COG5: variants seen among roughly 807,000 people sequenced by gnomAD.
COG5 encodes conserved oligomeric Golgi complex subunit 5.
A neutral mutation model predicts 110.4 loss-of-function variants in COG5; 86 were observed. That is an observed-to-expected ratio of 0.78 (90% CI 0.65 to 0.93). COG5 has a LOEUF of 0.93. Ranked by LOEUF, COG5 falls within the 40% of genes least tolerant of loss-of-function variation. The probability of loss-of-function intolerance (pLI) is 0.00; values close to 1 mark genes in which losing one functional copy is unlikely to be tolerated. For missense variants in COG5, 1,077 were observed against 987.0 expected, an observed-to-expected ratio of 1.09 and a Z score of -1.22; for synonymous variants, 360 against 334.6, an observed-to-expected ratio of 1.08 and a Z score of -0.83.
At chr7:107,336,826 G>A (rs1428389883) in intron 10 of COG5, among the ~76,000 whole-genome samples, 1 of 152,154 alleles carries the variant, frequency 6.6e-6, no homozygotes, top group Non-Finnish European at 1.5e-5. Context: ...ACTTGCATAT[G>A]CCACCTGTGG....
chr7:107,339,654 T>G (rs1466564096), intron 10 of COG5, among the ~76,000 whole-genome samples: 4 of 151,812 alleles, frequency 2.6e-5, no homozygotes, highest in Admixed American at 2.0e-4. Flanking sequence ...AAAAATAAAT[T>G]GAAATACCCA....
At position 107,514,329 on chromosome 7, in the gene COG5, TACACACACACACAC is replaced by T. The variant is rs61351697; in HGVS notation, c.538+12894_538+12907del. ...TTTTCTATATAAACATGGCCTATTT[TACACACACACACAC>T]ACACACACACACACACACACACACA... On this transcript the variant is annotated intron_variant, in intron 6 of 21. Coordinates refer to ENST00000297135, the MANE Select transcript of COG5 (RefSeq NM_006348.5). Among the ~76,000 whole-genome samples, 1,981 of 145,732 alleles carry T rather than the reference TACACACACACACAC, an allele frequency of 0.014. 69 individuals are homozygous for T. In the East Asian group the frequency reaches 0.14, roughly 10 times the overall value.
chr7:107,255,510 T>G (rs963583093), intron 16 of COG5, among the ~76,000 whole-genome samples: 7 of 152,066 alleles, frequency 4.6e-5, no homozygotes, highest in African/African-American at 1.4e-4. Context: ...CTTTAGGATT[T>G]GTGACACAGT....
chr7:107,455,706 T>G (rs921195872), intron 6 of COG5, among the ~76,000 whole-genome samples: 4 of 152,140 alleles, frequency 2.6e-5, no homozygotes, highest in Admixed American at 2.6e-4. Flanking sequence ...TTGTATAGTT[T>G]ATGATTTTTT....
Position 107,202,171 on chromosome 7 carries a change from T to C in COG5, c.*1345A>G, listed in dbSNP as rs958427593. Reference sequence around the variant, plus strand: ...TGCTATTAACAAACAGTCAACACCATTGTATTTTTTAACTTCGTGTTCTGT... The same window carrying C: ...TGCTATTAACAAACAGTCAACACCACTGTATTTTTTAACTTCGTGTTCTGT... On this transcript the variant is annotated 3_prime_UTR_variant, in exon 22 of 22. Coordinates refer to ENST00000297135, the MANE Select transcript of COG5 (RefSeq NM_006348.5). 1.3e-5 allele frequency: 2 copies of C among 152,676 alleles called. No individual in the cohort carries two copies. The highest frequency in any genetic ancestry group is 4.8e-5 in the African/African-American group (2 of 41,468). The allele number at this position is 152,676 out of a possible 1,614,324, so 9.5% of individuals were successfully genotyped here.
intron 7 of COG5, among the ~76,000 whole-genome samples, chr7:107,377,951 C>T (rs906514339): frequency 6.6e-6 from 1 of 152,200 alleles, no homozygotes; most frequent in Admixed American, 6.5e-5. Context: ...AAGTAGGTTC[C>T]TGACCACAGT....
At chr7:107,256,077 A>G (rs1364623961) in intron 16 of COG5, among the ~76,000 whole-genome samples, 1 of 152,174 alleles carries the variant, frequency 6.6e-6, no homozygotes, top group East Asian at 1.9e-4. Context: ...TAAAAGAGAT[A>G]CTGTCAACTA....
intron 21 of COG5, among the ~76,000 whole-genome samples, chr7:107,204,275 T>G (rs1798585139): frequency 6.6e-6 from 1 of 152,228 alleles, no homozygotes; most frequent in African/African-American, 2.4e-5. Flanking sequence ...TCTAGCCTGA[T>G]GCTTGTTCAT....
chr7:107,440,781 C>T (rs984483935), intron 6 of COG5, among the ~76,000 whole-genome samples: 5 of 152,158 alleles, frequency 3.3e-5, no homozygotes, highest in Non-Finnish European at 7.3e-5. Context: ...CATCAAGGTG[C>T]TGAGAGGTCA....
intron 14 of COG5, among the ~76,000 whole-genome samples, chr7:107,261,016 C>G (rs1393804896): frequency 6.6e-6 from 1 of 151,624 alleles, no homozygotes; most frequent in Non-Finnish European, 1.5e-5. Context: ...GGATTGGTTC[C>G]AGGACCGTAA....
intron 19 of COG5, among the ~76,000 whole-genome samples, chr7:107,216,789 T>C (rs1191141834): frequency 1.3e-5 from 2 of 151,826 alleles, no homozygotes; most frequent in Non-Finnish European, 2.9e-5. Flanking sequence ...AATACTTAAA[T>C]AAAAATAAAC....
At chr7:107,530,696 A>C (rs1223761861) in intron 5 of COG5, among the ~76,000 whole-genome samples, 1 of 151,900 alleles carries the variant, frequency 6.6e-6, no homozygotes, top group African/African-American at 2.4e-5. Context: ...ATTATGTTGA[A>C]TCTTCTGGGA....
intron 14 of COG5, among the ~76,000 whole-genome samples, chr7:107,280,610 T>TAA (rs540731864): frequency 6.7e-5 from 10 of 149,616 alleles, no homozygotes; most frequent in African/African-American, 2.0e-4. Context: ...TCAATAATGG[T>TAA]AAAAAAAAAA....
At chr7:107,280,457 A>T (rs1805075534) in intron 14 of COG5, among the ~76,000 whole-genome samples, 1 of 152,082 alleles carries the variant, frequency 6.6e-6, no homozygotes, top group Non-Finnish European at 1.5e-5. Flanking sequence ...AACAACTTGG[A>T]TATAGATAAA....
chr7:107,215,602 T>G (rs1799465753), intron 19 of COG5, among the ~76,000 whole-genome samples: 1 of 151,982 alleles, frequency 6.6e-6, no homozygotes, highest in Non-Finnish European at 1.5e-5. Context: ...AGGCAGAGTT[T>G]GCAGTGAGCC....
chr7:107,395,646 C>T (rs930521490), intron 7 of COG5, among the ~76,000 whole-genome samples: 2 of 144,644 alleles, frequency 1.4e-5, no homozygotes, highest in African/African-American at 2.6e-5. Context: ...CCTCCGCCTC[C>T]TAGGTTCAAG....
chr7:107,215,391 G>A (rs1256876207), intron 19 of COG5, among the ~76,000 whole-genome samples: 2 of 152,154 alleles, frequency 1.3e-5, no homozygotes, highest in East Asian at 1.9e-4. Context: ...CAGCTGGCTG[G>A]GTGTGGTGGC....
chr7:107,439,315 A>G (rs1794567409), intron 6 of COG5, among the ~76,000 whole-genome samples: 1 of 151,958 alleles, frequency 6.6e-6, no homozygotes, highest in Admixed American at 6.6e-5. Flanking sequence ...ATCCTTTTCC[A>G]GTTACTACTA....
At chr7:107,505,530 A>C (rs942621750) in intron 6 of COG5, among the ~76,000 whole-genome samples, 14 of 152,312 alleles carry the variant, frequency 9.2e-5, no homozygotes, top group Admixed American at 8.5e-4. Context: ...AGGTATACCC[A>C]TGCCAAGCTC....
Sources: allele counts gnomAD v4.1 joint callset (sites outside exome capture counted in the v4.1 genomes callset), GRCh38; gene constraint gnomAD v4.1.1; transcripts MANE v1.5; gene names NCBI Gene and HGNC (gene_info 2026-07-23, HGNC 2026-07-21).